The following XYLT1 variants were observed in gnomAD, a reference collection of about 807,000 sequenced individuals.
The protein encoded by XYLT1 is xylosyltransferase 1.
In XYLT1, 36 loss-of-function variants were observed where a neutral mutation model predicts 91.3. The observed-to-expected ratio is 0.39, with a 90% CI of 0.30 to 0.52. The LOEUF (loss-of-function observed/expected upper bound fraction) is 0.52. XYLT1 is among the 20% of genes least tolerant of loss of function. XYLT1 has a pLI of 0.68. For missense variants in XYLT1, 1,242 were observed against 1,284.5 expected (o/e 0.97, Z 0.51); for synonymous variants, 588 against 532.0 (o/e 1.11, Z -1.45).
At chr16:17,328,063 A>G (rs983260493) in intron 2 of XYLT1, among the ~76,000 whole-genome samples, 1 of 152,128 alleles carries the variant, frequency 6.6e-6, no homozygotes, top group Non-Finnish European at 1.5e-5. Flanking sequence ...TGCAGGAGTA[A>G]ACAACCACAG....
chr16:17,247,724 G>C (rs2033463789), intron 3 of XYLT1, among the ~76,000 whole-genome samples: 1 of 152,144 alleles, frequency 6.6e-6, no homozygotes, highest in South Asian at 2.1e-4. Flanking sequence ...TCCTAATCCA[G>C]GGTCAGGTCA....
At chr16:17,269,817 T>TTATTATTA (rs1158385743) in intron 2 of XYLT1, among the ~76,000 whole-genome samples, 384 of 150,458 alleles carry the variant, frequency 2.6e-3, no homozygotes, top group African/African-American at 8.5e-3. Flanking sequence ...ATTATTATTA[T>TTATTATTA]TATCATTATT....
At chr16:17,447,123 C>G (rs1001323793) in intron 1 of XYLT1, among the ~76,000 whole-genome samples, 3 of 152,194 alleles carry the variant, frequency 2.0e-5, no homozygotes, top group Non-Finnish European at 4.4e-5. Context: ...TAGACTGTCA[C>G]TGTTAGCAAG....
intron 3 of XYLT1, among the ~76,000 whole-genome samples, chr16:17,202,733 A>G (rs1453275579): frequency 6.6e-6 from 1 of 152,102 alleles, no homozygotes; most frequent in East Asian, 1.9e-4. Context: ...ACTGTCTGCA[A>G]TTGTTTATCT....
Position 17,343,832 on chromosome 16 carries a change from C to T in XYLT1, c.402+14180G>A, listed in dbSNP as rs143002749. On this transcript the variant is annotated intron_variant, in intron 2 of 11. Transcript: ENST00000261381. ...GTTCTTCCGTACCTCATCACACCCA[C>T]AGTGAAACACTTGGCACATGCTATC... Among the ~76,000 whole-genome samples the T allele has an allele frequency of 1.1e-4, 16 of 152,294 alleles. No homozygotes were observed. In the East Asian group the frequency reaches 2.9e-3, roughly 28 times the overall value.
chr16:17,123,267 G>T (rs561337381), intron 10 of XYLT1, among the ~76,000 whole-genome samples: 1 of 152,230 alleles, frequency 6.6e-6, no homozygotes, highest in East Asian at 1.9e-4. Flanking sequence ...AGTTTTCCTT[G>T]TAGAGGTCTT....
At chr16:17,303,805 C>T (rs2034432500) in intron 2 of XYLT1, among the ~76,000 whole-genome samples, 1 of 152,206 alleles carries the variant, frequency 6.6e-6, no homozygotes, top group African/African-American at 2.4e-5. Flanking sequence ...CATTTGACCA[C>T]ATTCTCCTGA....
intron 2 of XYLT1, among the ~76,000 whole-genome samples, chr16:17,330,243 A>T (rs187787364): frequency 8.7e-4 from 132 of 152,324 alleles, no homozygotes; most frequent in African/African-American, 3.1e-3. Context: ...GCGTATAAAC[A>T]AATAAGTGCA....
intron 3 of XYLT1, among the ~76,000 whole-genome samples, chr16:17,218,464 T>G (rs572510444): frequency 3.3e-5 from 5 of 152,032 alleles, no homozygotes; most frequent in African/African-American, 7.2e-5. Flanking sequence ...CACTGGGTAT[T>G]TTTTCTTAGA....
chr16:17,398,358 G>GT (rs2035916710), intron 1 of XYLT1, among the ~76,000 whole-genome samples: 1 of 152,168 alleles, frequency 6.6e-6, no homozygotes, highest in African/African-American at 2.4e-5. Context: ...AAGTAACAAC[G>GT]TAAGACCGAC....
At chr16:17,172,150 C>G (rs946278269) in intron 5 of XYLT1, among the ~76,000 whole-genome samples, 1 of 152,148 alleles carries the variant, frequency 6.6e-6, no homozygotes, top group Non-Finnish European at 1.5e-5. Flanking sequence ...AACTATGTTA[C>G]TCTTGCAGCT....
intron 1 of XYLT1, among the ~76,000 whole-genome samples, chr16:17,442,386 G>C (rs1019350936): frequency 2.0e-5 from 3 of 151,950 alleles, no homozygotes; most frequent in African/African-American, 7.3e-5. Flanking sequence ...AGTGATTTTT[G>C]CCCACCTACC....
Position 17,108,638 on chromosome 16 carries a change from C to T in XYLT1, c.*57G>A, listed in dbSNP as rs991838933. The T allele has an allele frequency of 4.0e-6, 6 of 1,488,836 alleles. 1 individual carries two copies. Among genetic ancestry groups the T allele is most frequent in the Middle Eastern group, 2.5e-4 (1 of 4,002 alleles). The allele number at this position is 1,488,836 out of a possible 1,614,324, so 92.2% of individuals were successfully genotyped here. A position where few individuals can be genotyped will look rare whatever the true frequency, so the allele number is the denominator to read the frequency against. On this transcript the variant is annotated 3_prime_UTR_variant, in exon 12 of 12. Coordinates refer to ENST00000261381, the MANE Select transcript of XYLT1 (RefSeq NM_022166.4). Reference sequence around the variant, plus strand: ...GGAGGCCGGGGTTCAGGCCCCACAACCCCTCTGGCTGCTTTCCCGTTGAGA... The same window carrying T: ...GGAGGCCGGGGTTCAGGCCCCACAATCCCTCTGGCTGCTTTCCCGTTGAGA...
intron 1 of XYLT1, among the ~76,000 whole-genome samples, chr16:17,379,753 T>A (rs1225149529): frequency 1.3e-3 from 170 of 128,742 alleles, no homozygotes; most frequent in Non-Finnish European, 1.7e-3. Flanking sequence ...TCTCTCTCTC[T>A]CTCTCTCTCT....
At chr16:17,156,863 G>A (rs111370817) in intron 6 of XYLT1, among the ~76,000 whole-genome samples, 6,563 of 152,144 alleles carry the variant, frequency 0.043, 501 homozygotes, top group African/African-American at 0.15. Flanking sequence ...TGTGAGTAGG[G>A]GCAGGAACAA....
At chr16:17,419,029 C>T (rs888263496) in intron 1 of XYLT1, among the ~76,000 whole-genome samples, 6 of 152,106 alleles carry the variant, frequency 3.9e-5, no homozygotes, top group African/African-American at 1.4e-4. Context: ...GGGCCAGATT[C>T]GCCCAACCCT....
At chr16:17,258,783 G>A (rs973642757) in intron 3 of XYLT1, among the ~76,000 whole-genome samples, 4 of 151,736 alleles carry the variant, frequency 2.6e-5, no homozygotes, top group African/African-American at 9.7e-5. Flanking sequence ...CCTACAAAAG[G>A]TAATCTGATT....
At chr16:17,223,001 A>T (rs1195077595) in intron 3 of XYLT1, among the ~76,000 whole-genome samples, 2 of 150,826 alleles carry the variant, frequency 1.3e-5, no homozygotes, top group Non-Finnish European at 2.9e-5. Flanking sequence ...CACCCCTCAA[A>T]TGCTTCAGGG....
rs869095502 is a variant in XYLT1 at position 17,115,312 on chromosome 16, TAAAAAA to T, written c.2557+2328_2557+2333del. Among the ~76,000 whole-genome samples the T allele has an allele frequency of 6.1e-4, 30 of 48,846 alleles. 1 individual carries two copies. The highest frequency in any genetic ancestry group is 1.8e-3 in the African/African-American group (27 of 14,924). 32.0% of individuals were successfully genotyped at this position (48,846 alleles called of 152,430 possible). On this transcript the variant is annotated intron_variant, in intron 11 of 11. Transcript: ENST00000261381. ...CAGACCACACAACCACAAAAATAGT[TAAAAAA>T]AAAAAAAAAAAAAAAAAAAGCCGGG...
Sources: gnomAD v4.1 joint callset for allele counts (sites outside exome capture counted in the v4.1 genomes callset) on GRCh38, gnomAD v4.1.1 for gene constraint, MANE v1.5 for transcripts, NCBI Gene and HGNC (gene_info 2026-07-23, HGNC 2026-07-21) for gene names.